EXOC4: variants seen among roughly 807,000 people sequenced by gnomAD.
The protein encoded by EXOC4 is exocyst complex component 4, also known as SEC8-like 1.
A neutral mutation model predicts 107.2 loss-of-function variants in EXOC4; 71 were observed. That is an observed-to-expected ratio of 0.66 (90% CI 0.55 to 0.81). The LOEUF is 0.81. Among genes scored for constraint, EXOC4 ranks in the 30% least tolerant of loss-of-function variants. The probability of loss-of-function intolerance (pLI) is 0.00; values close to 1 mark genes in which losing one functional copy is unlikely to be tolerated. For synonymous variants in EXOC4, 456 were observed against 441.2 expected (o/e 1.03, Z -0.42); for missense variants, 1,108 against 1,189.6 (o/e 0.93, Z 1.01).
chr7:134,089,063 G>A, the EXOC4 span, among the ~76,000 whole-genome samples: 1 of 152,038 alleles, frequency 6.6e-6, no homozygotes, highest in African/African-American at 2.4e-5. Flanking sequence ...TTATTAAAGA[G>A]CAGATTATAA....
In EXOC4 at chr7:133,253,133, G is replaced by C. The variant is rs1562988841; in HGVS notation, c.32G>C (p.Arg11Thr). Residue 11 changes from arginine (R) to threonine (T), a missense_variant, in exon 1 of 18, where the codon AGA (arginine) becomes ACA (threonine). Physicochemically the swap from Arg to Thr is moderately conservative, Grantham distance 71. Coordinates refer to ENST00000253861, the MANE Select transcript of EXOC4 (RefSeq NM_021807.4). ...GCAGAAGCAGCTGGTGGGAAATACA[G>C]AAGCACAGTCAGCAAAAGCAAAGAC... is the stretch of plus-strand genomic sequence containing the variant. MAAEAAGGKYRSTVSKSKDPS... is the reference protein window; with the variant it reads MAAEAAGGKYTSTVSKSKDPS... The C allele has an allele frequency of 1.2e-6, 2 of 1,614,202 alleles. No individual in the cohort carries two copies. Among genetic ancestry groups the C allele is most frequent in the Non-Finnish European group, 1.7e-6 (2 of 1,180,024 alleles).
chr7:133,588,768 T>C (rs1801467413), intron 9 of EXOC4, among the ~76,000 whole-genome samples: 4 of 152,050 alleles, frequency 2.6e-5, no homozygotes. Flanking sequence ...TGACTCCTAC[T>C]CAGGAGGCTG....
At chr7:133,780,643 A>G (rs1796445567) in intron 10 of EXOC4, among the ~76,000 whole-genome samples, 1 of 152,120 alleles carries the variant, frequency 6.6e-6, no homozygotes, top group Non-Finnish European at 1.5e-5. Flanking sequence ...ACAGTGTCAT[A>G]AAGAATCCCA....
intron 9 of EXOC4, among the ~76,000 whole-genome samples, chr7:133,510,011 A>T (rs1310652934): frequency 6.6e-6 from 1 of 152,192 alleles, no homozygotes; most frequent in Admixed American, 6.5e-5. Context: ...CATAAAATTC[A>T]CTGCTTTTAA....
intron 9 of EXOC4, among the ~76,000 whole-genome samples, chr7:133,585,728 C>T (rs918442845): frequency 2.0e-5 from 3 of 152,096 alleles, no homozygotes; most frequent in African/African-American, 7.2e-5. Context: ...GATTTTTGTT[C>T]TGTCACCCAG....
intron 10 of EXOC4, among the ~76,000 whole-genome samples, chr7:133,642,642 ACTT>A (rs1802886732): frequency 6.6e-6 from 1 of 151,936 alleles, no homozygotes; most frequent in Non-Finnish European, 1.5e-5. Context: ...CCAAACCTAA[ACTT>A]CTTTAATCCA....
intron 9 of EXOC4, among the ~76,000 whole-genome samples, chr7:133,558,829 C>T (rs556134401): frequency 6.6e-6 from 1 of 152,178 alleles, no homozygotes; most frequent in East Asian, 1.9e-4. Flanking sequence ...TGACTGCTTC[C>T]AAGAGAAGCC....
chr7:133,609,460 T>C (rs1802027804), intron 9 of EXOC4, among the ~76,000 whole-genome samples: 1 of 152,254 alleles, frequency 6.6e-6, no homozygotes, highest in Admixed American at 6.5e-5. Context: ...AATAGCTATG[T>C]GGCAATTGCC....
chr7:133,513,475 C>G (rs1219282481), intron 9 of EXOC4, among the ~76,000 whole-genome samples: 1 of 152,180 alleles, frequency 6.6e-6, no homozygotes, highest in African/African-American at 2.4e-5. Context: ...AAACATGATA[C>G]ACCTTTTATT....
chr7:133,981,598 TAAC>T (rs1351972258), intron 14 of EXOC4, among the ~76,000 whole-genome samples: 2 of 151,268 alleles, frequency 1.3e-5, no homozygotes, highest in East Asian at 3.9e-4. Flanking sequence ...GTCAGAAAAA[TAAC>T]AAATGCTGGT....
intron 10 of EXOC4, among the ~76,000 whole-genome samples, chr7:133,801,408 A>G (rs980679991): frequency 1.3e-5 from 2 of 152,184 alleles, no homozygotes; most frequent in African/African-American, 4.8e-5. Flanking sequence ...GATTGACTAA[A>G]TGAGGCTCTT....
intron 1 of EXOC4, among the ~76,000 whole-genome samples, chr7:133,262,051 T>C (rs562730881): frequency 2.0e-5 from 3 of 152,248 alleles, no homozygotes; most frequent in African/African-American, 4.8e-5. Context: ...GAAACGGGTT[T>C]TGTTTATTTG....
chr7:133,847,534 G>A (rs1300025568), intron 11 of EXOC4, among the ~76,000 whole-genome samples: 1 of 126,106 alleles, frequency 7.9e-6, no homozygotes, highest in African/African-American at 3.6e-5. Context: ...CACTACACCA[G>A]CTATTTTTTT....
At chr7:133,932,974 G>A (rs1237484515) in intron 13 of EXOC4, among the ~76,000 whole-genome samples, 1 of 152,032 alleles carries the variant, frequency 6.6e-6, no homozygotes, top group African/African-American at 2.4e-5. Flanking sequence ...TACAGCACAG[G>A]TCTGCAGACC....
intron 9 of EXOC4, among the ~76,000 whole-genome samples, chr7:133,563,751 G>A (rs991243474): frequency 2.6e-5 from 4 of 152,150 alleles, no homozygotes; most frequent in African/African-American, 9.7e-5. Context: ...TTTCAAAATA[G>A]GGCTTTAAAA....
At chr7:133,711,013 G>A (rs796136678) in intron 10 of EXOC4, among the ~76,000 whole-genome samples, 10 of 152,056 alleles carry the variant, frequency 6.6e-5, no homozygotes, top group African/African-American at 2.4e-4. Flanking sequence ...AGGGGTGAGA[G>A]ATGTGATACA....
intron 14 of EXOC4, among the ~76,000 whole-genome samples, chr7:133,964,073 A>G (rs1801006785): frequency 6.6e-6 from 1 of 152,078 alleles, no homozygotes; most frequent in East Asian, 1.9e-4. Flanking sequence ...CTTTTTAATT[A>G]AAATCTGCAA....
chr7:133,376,019 G>A (rs1419576941), intron 7 of EXOC4, among the ~76,000 whole-genome samples: 1 of 152,178 alleles, frequency 6.6e-6, no homozygotes, highest in African/African-American at 2.4e-5. Flanking sequence ...TGGGGAATTG[G>A]AAAATGGAAC....
intron 6 of EXOC4, among the ~76,000 whole-genome samples, chr7:133,373,818 G>A (rs1268192084): frequency 6.6e-6 from 1 of 152,176 alleles, no homozygotes; most frequent in Non-Finnish European, 1.5e-5. Context: ...ATTGTTCTAA[G>A]TGCTCTTAAG....
Sources: allele counts gnomAD v4.1 joint callset (sites outside exome capture counted in the v4.1 genomes callset), GRCh38; gene constraint gnomAD v4.1.1; transcripts MANE v1.5; gene names NCBI Gene and HGNC (gene_info 2026-07-23, HGNC 2026-07-21).